ZMYM4: variants seen among roughly 807,000 people sequenced by gnomAD.
The protein encoded by ZMYM4 is zinc finger MYM-type containing 4.
Under a neutral mutation model 183.2 loss-of-function variants are expected in ZMYM4, and 31 were observed. The ratio of observed to expected loss-of-function variants is 0.17; its 90% CI spans 0.13 to 0.23. ZMYM4 has a LOEUF of 0.23. Ranked by LOEUF, ZMYM4 falls within the 10% of genes least tolerant of loss-of-function variation. The pLI, the probability that ZMYM4 is intolerant of heterozygous loss-of-function variation, is 1.00. For synonymous variants in ZMYM4, 592 were observed against 631.2 expected, an observed-to-expected ratio of 0.94 and a Z score of 0.93; for missense variants, 1,273 against 1,840.3, an observed-to-expected ratio of 0.69 and a Z score of 5.64.
Position 35,420,788 on chromosome 1 carries a change from G to C in ZMYM4, c.*1111G>C, listed in dbSNP as rs1640300252. 1 of 152,634 alleles carries C rather than the reference G, an allele frequency of 6.6e-6. No individual in the cohort carries two copies. Among genetic ancestry groups the C allele is most frequent in the South Asian group, 2.1e-4 (1 of 4,818 alleles). 9.5% of individuals were successfully genotyped at this position (152,634 alleles called of 1,614,324 possible). ...GGTCCTAGTTAGGTTCCTATATAAA[G>C]CATTTGGAAGATGACCTTGTTGCCC... is the stretch of plus-strand genomic sequence containing the variant. On this transcript the variant is annotated 3_prime_UTR_variant, in exon 30 of 30. Coordinates refer to ENST00000314607, the MANE Select transcript of ZMYM4 (RefSeq NM_005095.3).
intron 1 of ZMYM4, 115 bp downstream of exon 1, chr1:35,269,200 G>A (rs1639466984): frequency 3.6e-6 from 5 of 1,378,966 alleles, no homozygotes; most frequent in Admixed American, 2.3e-5. Flanking sequence ...GGACAAGGTT[G>A]CGGGCAGGTC....
Position 35,408,172 on chromosome 1 carries a change from A to G in ZMYM4, c.3948+13A>G, listed in dbSNP as rs1211127081. On this transcript the variant is annotated intron_variant, in intron 26 of 29. Coordinates refer to ENST00000314607, the MANE Select transcript of ZMYM4 (RefSeq NM_005095.3). ...TGGAATTCAACAGGTATCAAGTTAA[A>G]CATATGGATTCTTCAACCTAGCAAA... The G allele has an allele frequency of 6.2e-7, 1 of 1,613,910 alleles. No individual in the cohort carries two copies. The highest frequency in any genetic ancestry group is 8.5e-7 in the Non-Finnish European group (1 of 1,179,822).
chr1:35,320,505 C>T (rs1168120091), intron 1 of ZMYM4, among the ~76,000 whole-genome samples: 3 of 151,944 alleles, frequency 2.0e-5, no homozygotes, highest in African/African-American at 7.3e-5. Flanking sequence ...AAATGTGTTC[C>T]CCTGAGATCC....
At chr1:35,417,071 G>A (rs1241323736) in intron 28 of ZMYM4, among the ~76,000 whole-genome samples, 1 of 152,044 alleles carries the variant, frequency 6.6e-6, no homozygotes, top group Non-Finnish European at 1.5e-5. Context: ...TCCTATACCG[G>A]TTGTTAAGAG....
chr1:35,373,479 G>A (rs981046448), intron 7 of ZMYM4, among the ~76,000 whole-genome samples: 6 of 148,288 alleles, frequency 4.0e-5, no homozygotes, highest in African/African-American at 1.5e-4. Context: ...CCAGGTTAAC[G>A]CCATTCTCCT....
At chr1:35,328,156 C>T (rs1367718424) in intron 2 of ZMYM4, among the ~76,000 whole-genome samples, 1 of 149,844 alleles carries the variant, frequency 6.7e-6, no homozygotes, top group Non-Finnish European at 1.5e-5. Context: ...AACCTGTAGC[C>T]GGGCTACTGT....
In ZMYM4 at chr1:35,344,714, A is replaced by G. The variant is rs1333428199; in HGVS notation, c.86-14211A>G. Among the ~76,000 whole-genome samples, 5 of 152,224 alleles carry G rather than the reference A, an allele frequency of 3.3e-5. No individual in the cohort carries two copies. In the South Asian group the frequency reaches 8.3e-4, roughly 25 times the overall value. On this transcript the variant is annotated intron_variant, in intron 2 of 29. Transcript: ENST00000314607. Reference sequence around the variant, plus strand: ...TATATTATTTGTTTTATATGTTTCTATATTCAATTTGCCAATATTTTAAGT... The same window carrying G: ...TATATTATTTGTTTTATATGTTTCTGTATTCAATTTGCCAATATTTTAAGT...
rs1644569435 is a variant in ZMYM4 at position 35,386,090 on chromosome 1, T to C, written c.1737T>C (p.Cys579=). The change falls in exon 11 of 30, where the codon TGT becomes TGC. Residue 579 remains cysteine, a synonymous_variant. Coordinates refer to ENST00000314607, the MANE Select transcript of ZMYM4 (RefSeq NM_005095.3). ...MVTSAGVQVQ[C]NSCKTSAIPQ... Reference sequence around the variant, plus strand: ...TTTGCTAAGGTGTACAAGTTCAGTGTAACAGTTGTAAAACCTCAGCAATTC... The same window carrying C: ...TTTGCTAAGGTGTACAAGTTCAGTGCAACAGTTGTAAAACCTCAGCAATTC... The C allele has an allele frequency of 6.2e-7, 1 of 1,613,482 alleles. No homozygotes were observed. The highest frequency in any genetic ancestry group is 1.1e-5 in the South Asian group (1 of 91,012).
chr1:35,272,820 C>T (rs890515220), intron 1 of ZMYM4, among the ~76,000 whole-genome samples: 20 of 152,108 alleles, frequency 1.3e-4, no homozygotes, highest in African/African-American at 4.6e-4. Context: ...GCCATTCCTT[C>T]GCCTCAGCCT....
At chr1:35,306,084 T>C (rs554650269) in intron 1 of ZMYM4, among the ~76,000 whole-genome samples, 17 of 152,314 alleles carry the variant, frequency 1.1e-4, no homozygotes, top group African/African-American at 3.4e-4. Flanking sequence ...GTCTTCTGTC[T>C]TCTTATTTGT....
At chr1:35,373,447 G>A (rs1644260579) in intron 7 of ZMYM4, among the ~76,000 whole-genome samples, 1 of 148,702 alleles carries the variant, frequency 6.7e-6, no homozygotes. Flanking sequence ...GCGCAGTCTC[G>A]GCTCACTGCA....
chr1:35,409,865 A>G (rs1349940875), intron 26 of ZMYM4, among the ~76,000 whole-genome samples: 5 of 151,700 alleles, frequency 3.3e-5, no homozygotes, highest in African/African-American at 1.2e-4. Context: ...GCTTGAACCC[A>G]GGAGGCAGAG....
At chr1:35,355,409 C>T (rs577793184) in intron 2 of ZMYM4, among the ~76,000 whole-genome samples, 49 of 151,980 alleles carry the variant, frequency 3.2e-4, no homozygotes, top group African/African-American at 9.7e-4. Flanking sequence ...CGTGATATCT[C>T]GTTTTATTAG....
At chr1:35,411,053 G>C (rs188038890) in intron 26 of ZMYM4, among the ~76,000 whole-genome samples, 14 of 152,062 alleles carry the variant, frequency 9.2e-5, no homozygotes, top group Admixed American at 4.6e-4. Context: ...TGGTTATCCA[G>C]TTCTCTCAGC....
intron 26 of ZMYM4, among the ~76,000 whole-genome samples, chr1:35,410,051 G>T (rs183416531): frequency 4.2e-4 from 64 of 152,154 alleles, no homozygotes; most frequent in South Asian, 1.9e-3. Flanking sequence ...TTCCAATCAC[G>T]GCATCATATG....
At chr1:35,273,922 T>C (rs1639739128) in intron 1 of ZMYM4, among the ~76,000 whole-genome samples, 1 of 151,076 alleles carries the variant, frequency 6.6e-6, no homozygotes, top group Non-Finnish European at 1.5e-5. Context: ...TATATAAATC[T>C]GTGAAAATTG....
At chr1:35,295,717 A>C (rs1027238929) in intron 1 of ZMYM4, among the ~76,000 whole-genome samples, 1 of 152,172 alleles carries the variant, frequency 6.6e-6, no homozygotes, top group Non-Finnish European at 1.5e-5. Flanking sequence ...GATTTATGGT[A>C]TATACTTGCA....
At position 35,359,158 on chromosome 1, in the gene ZMYM4, A is replaced by G. The variant is rs764768139; in HGVS notation, c.319A>G (p.Thr107Ala). Residue 107 changes from threonine (T) to alanine (A), a missense_variant, in exon 3 of 30, where the codon ACT becomes GCT. By Grantham distance (58) the Thr-to-Ala change is moderately conservative. This residue lies in a region of ZMYM4 where 384 missense variants were observed against 465.6 expected (regional missense o/e 0.82). Coordinates refer to ENST00000314607, the MANE Select transcript of ZMYM4 (RefSeq NM_005095.3). ...SKDNLVSSIH[T>A]DDSLEVERRV... ...GGACAATCTTGTTTCTTCAATTCATACTGATGATAGCTTGGAAGTAGAGAG... is the reference window on the plus strand; with the variant it reads ...GGACAATCTTGTTTCTTCAATTCATGCTGATGATAGCTTGGAAGTAGAGAG... 66 of 1,613,610 alleles carry G rather than the reference A, an allele frequency of 4.1e-5. No individual in the cohort carries two copies. Among genetic ancestry groups the G allele is most frequent in the East Asian group, 1.6e-4 (7 of 44,850 alleles).
At chr1:35,404,121 G>T (rs1239046042) in intron 23 of ZMYM4, among the ~76,000 whole-genome samples, 1 of 152,220 alleles carries the variant, frequency 6.6e-6, no homozygotes, top group Non-Finnish European at 1.5e-5. Context: ...CTGGAGTGCA[G>T]TGGCGTAATC....
Sources: gnomAD v4.1 joint callset for allele counts (sites outside exome capture counted in the v4.1 genomes callset) on GRCh38, gnomAD v4.1.1 for gene constraint, gnomAD v4.1.1 regional missense constraint, MANE v1.5 for transcripts, NCBI Gene and HGNC (gene_info 2026-07-23, HGNC 2026-07-21) for gene names.